The following ZNF682 variants were observed in gnomAD, a reference collection of about 807,000 sequenced individuals.
ZNF682 encodes zinc finger protein 682.
ZNF682 carries 29 observed loss-of-function variants against 36.5 expected under a neutral mutation model. That is an observed-to-expected ratio of 0.80 (90% CI 0.59 to 1.08). ZNF682 has a LOEUF of 1.08. Among genes scored for constraint, ZNF682 ranks in the 50% least tolerant of loss-of-function variants. The pLI is 0.00. For missense variants in ZNF682, 561 were observed against 579.7 expected, an observed-to-expected ratio of 0.97 and a Z score of 0.33; for synonymous variants, 180 against 197.0, an observed-to-expected ratio of 0.91 and a Z score of 0.72.
rs1279551560 is a variant in ZNF682, at chr19:20,010,371, A to G, written c.227-3096T>C. Among the ~76,000 whole-genome samples, 5 of 152,268 alleles carry G rather than the reference A, an allele frequency of 3.3e-5. 1 individual carries two copies. The East Asian group carries it at 9.7e-4, about 29-fold the overall frequency. Reference sequence around the variant, plus strand: ...CTAAATGCTCCACTTAAAAGACACAAAGTGGTGGCCAGGCACAGTGGCTCA... The same window carrying G: ...CTAAATGCTCCACTTAAAAGACACAGAGTGGTGGCCAGGCACAGTGGCTCA... On this transcript the variant is annotated intron_variant, in intron 3 of 3. Transcript: ENST00000397165.
chr19:20,035,007 AAT>A (rs34522551), intron 1 of ZNF682, among the ~76,000 whole-genome samples: 118,807 of 151,430 alleles, frequency 0.78, 46,755 homozygotes, highest in Middle Eastern at 0.88. Flanking sequence ...GAGGTATGAG[AAT>A]ATCGCTTGAA....
chr19:20,036,103 T>C (rs952862255), intron 1 of ZNF682, among the ~76,000 whole-genome samples: 1 of 152,184 alleles, frequency 6.6e-6, no homozygotes, highest in African/African-American at 2.4e-5. Context: ...CTATGCCAAC[T>C]GTTCTTAAAA....
chr19:20,017,500 G>A (rs2088344641), intron 3 of ZNF682, among the ~76,000 whole-genome samples: 1 of 152,020 alleles, frequency 6.6e-6, no homozygotes, highest in Non-Finnish European at 1.5e-5. Context: ...TCCATTTACC[G>A]GGAATCTATA....
Position 20,005,906 on chromosome 19 carries a change from C to A in ZNF682, c.*99G>T, listed in dbSNP as rs940576753. ...CATTCTTCACATTTGTAGTGTTTCTCTCCAGTATGAATTATCTTGTGATTT... is the reference window on the plus strand; with the variant it reads ...CATTCTTCACATTTGTAGTGTTTCTATCCAGTATGAATTATCTTGTGATTT... On this transcript the variant is annotated 3_prime_UTR_variant, in exon 4 of 4. Transcript: ENST00000397165. The A allele has an allele frequency of 3.5e-6, 4 of 1,159,200 alleles. No individual in the cohort carries two copies. In the Admixed American group the frequency reaches 9.8e-5, roughly 28 times the overall value. 71.8% of individuals were successfully genotyped at this position (1,159,200 alleles called of 1,614,324 possible).
intron 3 of ZNF682, chr19:20,015,141 C>G (rs138830845): frequency 1.1e-6 from 1 of 942,948 alleles, no homozygotes; most frequent in Admixed American, 6.2e-5. Context: ...ACAATTACAC[C>G]TAAAATAAAG....
At position 20,006,587 on chromosome 19, in the gene ZNF682, TG is replaced by T. The variant is rs747301152; in HGVS notation, c.914del (p.Thr305LysfsTer57). 2 of 1,614,210 alleles carry T rather than the reference TG, an allele frequency of 1.2e-6. No individual in the cohort carries two copies. The highest frequency in any genetic ancestry group is 1.7e-6 in the Non-Finnish European group (2 of 1,180,032). On this transcript the variant is annotated frameshift_variant, in exon 4 of 4. Coordinates refer to ENST00000397165, the MANE Select transcript of ZNF682 (RefSeq NM_033196.3). LOFTEE classifies it high-confidence loss of function. ...TGTAGGGTTTCTTTCCAGTGTGAATTGTCTTATGTTTGGTGAGATGTGAGTG... is the reference window on the plus strand; with the variant it reads ...TGTAGGGTTTCTTTCCAGTGTGAATTTCTTATGTTTGGTGAGATGTGAGTG... ...NRHSHLTKHK[T>X]IHTGKKPYKC...
At chr19:19,999,453 T>G (rs2088150203), downstream of ZNF682, among the ~76,000 whole-genome samples, 1 of 152,222 alleles carries the variant, frequency 6.6e-6, no homozygotes, top group African/African-American at 2.4e-5. Flanking sequence ...TGGTTGGAAC[T>G]AATATGGCCA....
At chr19:20,002,371 G>A (rs541565197), downstream of ZNF682, among the ~76,000 whole-genome samples, 104 of 151,788 alleles carry the variant, frequency 6.9e-4, no homozygotes, top group South Asian at 4.2e-3. Context: ...TCTTTTAGCC[G>A]ATCTTTGTCC....
downstream of ZNF682, among the ~76,000 whole-genome samples, chr19:20,002,369 C>G (rs1452747789): frequency 6.6e-6 from 1 of 151,934 alleles, no homozygotes; most frequent in African/African-American, 2.4e-5. Context: ...ATTCTTTTAG[C>G]CGATCTTTGT....
intron 3 of ZNF682, among the ~76,000 whole-genome samples, chr19:20,020,290 G>C (rs995649066): frequency 6.6e-6 from 1 of 152,104 alleles, no homozygotes; most frequent in African/African-American, 2.4e-5. Context: ...GAGGTCAGGA[G>C]TTCGAGACCA....
chr19:20,022,199 GA>G (rs1722877984), intron 3 of ZNF682, among the ~76,000 whole-genome samples: 2 of 144,664 alleles, frequency 1.4e-5, no homozygotes, highest in South Asian at 4.4e-4. Flanking sequence ...AAAAAAAAAA[GA>G]AAGAAAGAAA....
downstream of ZNF682, among the ~76,000 whole-genome samples, chr19:20,002,470 T>C (rs1021814513): frequency 6.6e-6 from 1 of 152,174 alleles, no homozygotes; most frequent in African/African-American, 2.4e-5. Flanking sequence ...TTAGGCTCCA[T>C]TCACTAAATA....
intron 2 of ZNF682, among the ~76,000 whole-genome samples, chr19:20,024,043 C>T (rs906260838): frequency 6.6e-6 from 1 of 151,776 alleles, no homozygotes; most frequent in Non-Finnish European, 1.5e-5. Context: ...GAAAAATGCC[C>T]ATCACCTCAA....
intron 1 of ZNF682, among the ~76,000 whole-genome samples, chr19:20,025,459 C>T (rs909466548): frequency 7.9e-5 from 12 of 152,190 alleles, no homozygotes; most frequent in Middle Eastern, 6.8e-3. Flanking sequence ...GGGCAGATCA[C>T]GAGGTCAGGA....
At chr19:20,019,063 CTTGA>C (rs2088362083) in intron 3 of ZNF682, among the ~76,000 whole-genome samples, 2 of 152,228 alleles carry the variant, frequency 1.3e-5, no homozygotes, top group African/African-American at 2.4e-5. Context: ...AAGTGAGTTA[CTTGA>C]TTAAGAAACA....
chr19:20,013,823 G>A (rs893833305), intron 3 of ZNF682, among the ~76,000 whole-genome samples: 1 of 152,146 alleles, frequency 6.6e-6, no homozygotes, highest in East Asian at 1.9e-4. Context: ...CAGGTGATCC[G>A]CCTGCATCGG....
rs45510496 is a variant in ZNF682, at chr19:20,039,271, C to G, written c.3+72G>C. The G allele has an allele frequency of 2.2e-3, 3,502 of 1,599,100 alleles. 2 individuals are homozygous for G. Among genetic ancestry groups the G allele is most frequent in the Non-Finnish European group, 2.7e-3 (3,186 of 1,174,940 alleles). On this transcript the variant is annotated intron_variant, in intron 1 of 3. Coordinates refer to ENST00000397165, the MANE Select transcript of ZNF682 (RefSeq NM_033196.3). ...GCTGACAGCTGGGAGGCCCCAGTCCCGTCACTGCCGGTTCCGGCCGGTTTC... is the reference window on the plus strand; with the variant it reads ...GCTGACAGCTGGGAGGCCCCAGTCCGGTCACTGCCGGTTCCGGCCGGTTTC...
intron 1 of ZNF682, among the ~76,000 whole-genome samples, chr19:20,029,292 TTC>T (rs1351483724): frequency 1.3e-5 from 2 of 150,594 alleles, no homozygotes; most frequent in Middle Eastern, 3.2e-3. Flanking sequence ...TTCTTTTGTT[TTC>T]TTTTTTTTTT....
At chr19:20,012,120 C>A (rs2088294414) in intron 3 of ZNF682, among the ~76,000 whole-genome samples, 1 of 151,814 alleles carries the variant, frequency 6.6e-6, no homozygotes, top group Admixed American at 6.6e-5. Flanking sequence ...TAGTGCTAAA[C>A]TTTTATATCA....
Sources: allele counts gnomAD v4.1 joint callset (sites outside exome capture counted in the v4.1 genomes callset), GRCh38; gene constraint gnomAD v4.1.1; transcripts MANE v1.5; gene names NCBI Gene and HGNC (gene_info 2026-07-23, HGNC 2026-07-21).